The following GIGYF1 variants were observed in gnomAD, a reference collection of about 807,000 sequenced individuals.
GIGYF1 encodes the protein GRB10-interacting GYF protein 1.
GIGYF1 carries 84 observed loss-of-function variants against 147.1 expected under a neutral mutation model. The ratio of observed to expected loss-of-function variants is 0.57; its 90% CI spans 0.48 to 0.68. The LOEUF (loss-of-function observed/expected upper bound fraction) is 0.68. GIGYF1 is among the 30% of genes least tolerant of loss of function. The pLI is 0.00. For synonymous variants in GIGYF1, 752 were observed against 589.5 expected, an observed-to-expected ratio of 1.28 and a Z score of -3.99; for missense variants, 1,485 against 1,393.7, an observed-to-expected ratio of 1.07 and a Z score of -1.04.
Position 100,687,553 on chromosome 7 carries a change from G to T in GIGYF1, c.325C>A (p.Pro109Thr), listed in dbSNP as rs754479403. 5 of 1,612,740 alleles carry T rather than the reference G, an allele frequency of 3.1e-6. No individual in the cohort carries two copies. The highest frequency in any genetic ancestry group is 1.7e-5 in the Admixed American group (1 of 59,986). The stretch of plus-strand genomic sequence containing the variant: ...CCTCGGGAGGTGCCAGCCAGGGGGG[G>T]GCCAGCCCCTTTCCCCATCAGCCTC... ...VLRLMGKGAGPPLAGTSRGRG... is the reference protein window; with the variant it reads ...VLRLMGKGAGTPLAGTSRGRG... Residue 109 changes from proline to threonine, a missense_variant, in exon 7 of 27, where the codon CCC (proline) becomes ACC (threonine). Physicochemically the swap from Pro to Thr is conservative, Grantham distance 38 (BLOSUM62 -1). Transcript: ENST00000678049.
intron 3 of GIGYF1, 61 bp downstream of exon 3, chr7:100,688,390 G>A: frequency 1.3e-6 from 1 of 745,882 alleles, no homozygotes; most frequent in East Asian, 2.7e-5. Context: ...GGACATCCTA[G>A]TGGGCACAAC....
At chr7:100,686,912 T>C in intron 9 of GIGYF1, 93 bp from the exon 10 acceptor site, 2 of 1,601,474 alleles carry the variant, frequency 1.2e-6, no homozygotes, top group Non-Finnish European at 1.7e-6. Flanking sequence ...CAGGCCCTCC[T>C]GCCCCCAACA....
chr7:100,684,346 G>T lies in GIGYF1; in HGVS notation c.1630-9C>A, dbSNP rs768574688. On this transcript the variant is annotated splice_polypyrimidine_tract_variant and intron_variant, in intron 16 of 26. Coordinates refer to ENST00000678049, the MANE Select transcript of GIGYF1 (RefSeq NM_001375765.1). ...TCCTGGTCCATGTTTCCCTGCTCAG[G>T]TGAGAGCTCGGCCAGTGCCCCCAGC... is the stretch of plus-strand genomic sequence containing the variant. The T allele has an allele frequency of 2.5e-6, 4 of 1,594,316 alleles. No individual in the cohort carries two copies. Among genetic ancestry groups the T allele is most frequent in the South Asian group, 2.2e-5 (2 of 88,950 alleles).
chr7:100,686,121 G>A (rs370998273), intron 11 of GIGYF1, 42 bp from the exon 12 acceptor site: 2 of 1,605,022 alleles, frequency 1.2e-6, no homozygotes, highest in African/African-American at 1.3e-5. Context: ...AGCTGGGGTG[G>A]GTGGGGAGGA....
At chr7:100,685,280 A>C in intron 13 of GIGYF1, 64 bp downstream of exon 13, 1 of 1,533,968 alleles carries the variant, frequency 6.5e-7, no homozygotes, top group Non-Finnish European at 8.8e-7. Context: ...CACCCCCACG[A>C]GTGGGGAGCA....
In GIGYF1 at chr7:100,685,964, C is replaced by CGCG. The variant is rs1805288247; in HGVS notation, c.1054+7_1054+9dup. Reference sequence around the variant, plus strand: ...CCAGCCCCAGGCCCGCTGGGCACCCCGCGGCTCACCTGCCTCAGGCCCTTC... The same window carrying CGCG: ...CCAGCCCCAGGCCCGCTGGGCACCCCGCGGCGGCTCACCTGCCTCAGGCCCTTC... On this transcript the variant is annotated intron_variant, in intron 12 of 26. Transcript: ENST00000678049. 1 of 1,609,938 alleles carries CGCG rather than the reference C, an allele frequency of 6.2e-7. No homozygotes were observed. The highest frequency in any genetic ancestry group is 1.7e-5 in the Admixed American group (1 of 59,980).
intron 1 of GIGYF1, among the ~76,000 whole-genome samples, chr7:100,690,424 G>A (rs571995825): frequency 5.3e-5 from 8 of 152,216 alleles, no homozygotes; most frequent in Admixed American, 2.0e-4. Flanking sequence ...AGAGGAGTCC[G>A]AGACCAGCCT....
intron 10 of GIGYF1, 63 bp downstream of exon 10, chr7:100,686,582 GCCCA>G: frequency 6.5e-7 from 1 of 1,542,222 alleles, no homozygotes; most frequent in East Asian, 2.3e-5. Flanking sequence ...GGCTACAGGA[GCCCA>G]CCCTCTCATT....
rs1805437678 is a variant in GIGYF1 at position 100,687,181 on chromosome 7, G to A, written c.482+117C>T. ...GGACAAACGAAACCAGGGGTCAGGA[G>A]CACCGGGATCTCGGACAGGGCTTAT... is the stretch of plus-strand genomic sequence containing the variant. On this transcript the variant is annotated intron_variant, in intron 8 of 26. Transcript: ENST00000678049. The A allele has an allele frequency of 2.6e-5, 38 of 1,456,808 alleles. No homozygotes were observed. In the South Asian group the frequency reaches 4.3e-4, roughly 17 times the overall value. The allele number at this position is 1,456,808 out of a possible 1,614,324, so 90.2% of individuals were successfully genotyped here.
intron 10 of GIGYF1, 83 bp downstream of exon 10, chr7:100,686,566 C>T: frequency 6.5e-7 from 1 of 1,531,260 alleles, no homozygotes; most frequent in Non-Finnish European, 8.8e-7. Flanking sequence ...TCTGCTCCCT[C>T]CCCGTGGCTA....
chr7:100,686,874 C>G (rs1584502725), intron 9 of GIGYF1, 55 bp from the exon 10 acceptor site: 2 of 1,512,996 alleles, frequency 1.3e-6, no homozygotes, highest in East Asian at 4.8e-5. Context: ...GTGCCTGGAC[C>G]CTCAAGAAAC....
At chr7:100,684,941 A>G (rs1005803657) in intron 14 of GIGYF1, 47 bp from the exon 15 acceptor site, 30 of 1,596,218 alleles carry the variant, frequency 1.9e-5, no homozygotes, top group Non-Finnish European at 2.6e-5. Flanking sequence ...AATCTCAGCA[A>G]CATCAGGATG....
Position 100,682,977 on chromosome 7 carries a change from G to C in GIGYF1, c.2412+35C>G, listed in dbSNP as rs1001433829. ...CCCTCCCTGTGCCACCCTGGAAACT[G>C]TAGGGGGAGCCCGGGAGGTTCCCGG... is the stretch of plus-strand genomic sequence containing the variant. On this transcript the variant is annotated intron_variant, in intron 22 of 26. Coordinates refer to ENST00000678049, the MANE Select transcript of GIGYF1 (RefSeq NM_001375765.1). 6.2e-6 allele frequency: 9 copies of C among 1,446,068 alleles called. No homozygotes were observed. The African/African-American group carries it at 8.5e-5, about 14-fold the overall frequency. The allele number at this position is 1,446,068 out of a possible 1,614,324, so 89.6% of individuals were successfully genotyped here.
chr7:100,682,691 G>A lies in GIGYF1; in HGVS notation c.2499C>T (p.Gly833=), dbSNP rs201075699. 5.6e-6 allele frequency: 9 copies of A among 1,598,744 alleles called. No individual in the cohort carries two copies. The highest frequency in any genetic ancestry group is 4.5e-5 in the East Asian group (2 of 44,800). Residue 833 remains glycine, a synonymous_variant, in exon 23 of 27, where the codon GGC becomes GGT. Transcript: ENST00000678049. ...CCCAGAGCCCCAGGCCGCTGCTGCC[G>A]CCCCCACTCTTGTCTGGCCCGCCCC... ...PLWGGPDKSG[G]GSSGLGLWED...
Position 100,687,829 on chromosome 7 carries a change from G to T in GIGYF1, c.220C>A (p.Leu74Met). The change falls in exon 6 of 27, where the codon CTG becomes ATG. Residue 74 changes from leucine (L) to methionine (M), a missense_variant. Physicochemically the swap from Leu to Met is conservative, Grantham distance 15. Transcript: ENST00000678049. ...EFAAVLQDEPLQPLALEPLTE... is the reference protein window; with the variant it reads ...EFAAVLQDEPMQPLALEPLTE... ...AGCGGCTCCAGAGCCAGGGGCTGCA[G>T]TGGCTCGTCCTGCAGCACCGCGGCG... 2 of 1,612,864 alleles carry T rather than the reference G, an allele frequency of 1.2e-6. No individual in the cohort carries two copies.
rs1249905623 is a variant in GIGYF1, at chr7:100,683,803, A to G, written c.1969+15T>C. The G allele has an allele frequency of 6.3e-7, 1 of 1,577,110 alleles. No individual in the cohort carries two copies. The highest frequency in any genetic ancestry group is 8.6e-7 in the Non-Finnish European group (1 of 1,160,264). ...GGAGACTGCCTTGGGGGTGGGGACC[A>G]GTCAGGCCACACACCTGACTGTGAT... is the stretch of plus-strand genomic sequence containing the variant. On this transcript the variant is annotated intron_variant, in intron 19 of 26. Coordinates refer to ENST00000678049, the MANE Select transcript of GIGYF1 (RefSeq NM_001375765.1).
At position 100,679,960 on chromosome 7, in the gene GIGYF1, C is replaced by CT. The variant is rs1235075777; in HGVS notation, c.*1758dup. On this transcript the variant is annotated 3_prime_UTR_variant, in exon 27 of 27. Coordinates refer to ENST00000678049, the MANE Select transcript of GIGYF1 (RefSeq NM_001375765.1). ...GGTTACATTCAGTCACAACAGGAGT[C>CT]TCCCCCACACCTGGCAAGAGGGAAG... is the stretch of plus-strand genomic sequence containing the variant. 6.6e-6 allele frequency: 1 copy of CT among 152,558 alleles called. No homozygotes were observed. Among genetic ancestry groups the CT allele is most frequent in the East Asian group, 1.9e-4 (1 of 5,192 alleles). The allele number at this position is 152,558 out of a possible 1,614,324, so 9.5% of individuals were successfully genotyped here.
rs781347853 is a variant in GIGYF1, at chr7:100,683,580, T to C, written c.2022A>G (p.Pro674=). 1.9e-5 allele frequency: 30 copies of C among 1,614,236 alleles called. No homozygotes were observed. The South Asian group carries it at 2.5e-4, about 14-fold the overall frequency. Residue 674 remains proline (P), a synonymous_variant, in exon 20 of 27, where the codon CCA becomes CCG. Transcript: ENST00000678049. ...DIPINSSTQG[P]ILEQLQLQHK... ...GTTGCAGCTGGAGTTGTTCTAGAAT[T>C]GGACCCTGAGTCGAAGAGTTAATTG...
chr7:100,688,179 G>A (rs373475933), intron 4 of GIGYF1, 25 bp downstream of exon 4: 44 of 1,611,266 alleles, frequency 2.7e-5, no homozygotes, highest in Admixed American at 3.3e-5. Context: ...GAATCTCCAC[G>A]GCAGCCGAGG....
Sources: gnomAD v4.1 joint callset for allele counts (sites outside exome capture counted in the v4.1 genomes callset) on GRCh38, gnomAD v4.1.1 for gene constraint, MANE v1.5 for transcripts, NCBI Gene and HGNC (gene_info 2026-07-23, HGNC 2026-07-21) for gene names.